Variants in CDC42BPA observed in about 807,000 individuals in gnomAD.
The protein encoded by CDC42BPA is CDC42 binding protein kinase alpha.
A neutral mutation model predicts 223.5 loss-of-function variants in CDC42BPA; 80 were observed. The observed-to-expected ratio is 0.36, with a 90% CI of 0.30 to 0.43. CDC42BPA has a LOEUF of 0.43. Among genes scored for constraint, CDC42BPA ranks in the 20% least tolerant of loss-of-function variants. The pLI is 1.00. For missense variants in CDC42BPA, 1,743 were observed against 2,099.9 expected, an observed-to-expected ratio of 0.83 and a Z score of 3.32; for synonymous variants, 694 against 718.6, an observed-to-expected ratio of 0.97 and a Z score of 0.55.
At chr1:227,123,127 A>G (rs766318074) in intron 11 of CDC42BPA, among the ~76,000 whole-genome samples, 1 of 152,156 alleles carries the variant, frequency 6.6e-6, no homozygotes, top group Non-Finnish European at 1.5e-5. Flanking sequence ...ACATGGTGAA[A>G]CCCCATCTCT....
chr1:227,014,757 G>A (rs1665877315), intron 34 of CDC42BPA, among the ~76,000 whole-genome samples: 1 of 152,002 alleles, frequency 6.6e-6, no homozygotes, highest in Admixed American at 6.6e-5. Flanking sequence ...CATGAAATAT[G>A]AATTATACTT....
chr1:227,046,295 G>A (rs949588737), intron 23 of CDC42BPA, among the ~76,000 whole-genome samples: 1 of 151,980 alleles, frequency 6.6e-6, no homozygotes, highest in African/African-American at 2.4e-5. Flanking sequence ...TGACATTATC[G>A]ATAGGTCTTT....
intron 5 of CDC42BPA, among the ~76,000 whole-genome samples, chr1:227,181,875 A>C (rs753753905): frequency 2.0e-5 from 3 of 152,212 alleles, no homozygotes; most frequent in Non-Finnish European, 4.4e-5. Context: ...TAAAAAGTAT[A>C]TTACTTACAT....
At chr1:227,019,671 G>C (rs1396280929) in intron 32 of CDC42BPA, among the ~76,000 whole-genome samples, 5 of 135,174 alleles carry the variant, frequency 3.7e-5, no homozygotes, top group South Asian at 2.2e-4. Flanking sequence ...TGCTGTGTTA[G>C]CAGACGTGAA....
At chr1:227,047,301 C>T (rs1672649292) in intron 23 of CDC42BPA, among the ~76,000 whole-genome samples, 1 of 152,028 alleles carries the variant, frequency 6.6e-6, no homozygotes, top group Non-Finnish European at 1.5e-5. Context: ...TTCTATCTGG[C>T]CTTAAAATTT....
chr1:227,168,497 G>GTTTTTTTTTTTTTGTTTTT (rs1665488488), intron 5 of CDC42BPA, among the ~76,000 whole-genome samples: 5 of 80,196 alleles, frequency 6.2e-5, no homozygotes, highest in African/African-American at 2.5e-4. Context: ...CTTCCCTGGT[G>GTTTTTTTTTTTTTGTTTTT]TTTTTTTTTT....
intron 1 of CDC42BPA, among the ~76,000 whole-genome samples, chr1:227,307,151 G>T (rs4292922): frequency 0.31 from 46,709 of 151,874 alleles, 7,354 homozygotes; most frequent in East Asian, 0.37. Flanking sequence ...AAACCAAGAA[G>T]TGCACATATA....
At chr1:227,025,474 C>A (rs1558310183) in intron 31 of CDC42BPA, among the ~76,000 whole-genome samples, 1 of 152,152 alleles carries the variant, frequency 6.6e-6, no homozygotes, top group African/African-American at 2.4e-5. Flanking sequence ...ATATATATCA[C>A]ATCTATCTAT....
intron 12 of CDC42BPA, among the ~76,000 whole-genome samples, chr1:227,114,469 A>C (rs1687462125): frequency 6.6e-6 from 1 of 151,710 alleles, no homozygotes; most frequent in Admixed American, 6.6e-5. Context: ...AAAAAAAAAA[A>C]GATTTTAGAG....
At chr1:227,244,495 G>T in intron 2 of CDC42BPA, among the ~76,000 whole-genome samples, 1 of 37,418 alleles carries the variant, frequency 2.7e-5, no homozygotes. Flanking sequence ...TTCACATGGT[G>T]GGGGGGGGCA....
intron 11 of CDC42BPA, among the ~76,000 whole-genome samples, chr1:227,121,788 AATTTC>A (rs1688699185): frequency 6.7e-6 from 1 of 149,824 alleles, no homozygotes; most frequent in South Asian, 2.1e-4. Flanking sequence ...GGATACCAAC[AATTTC>A]TTTTTTTTCT....
chr1:227,088,999 T>G (rs982142185), intron 16 of CDC42BPA, among the ~76,000 whole-genome samples: 3 of 152,216 alleles, frequency 2.0e-5, no homozygotes, highest in Admixed American at 1.3e-4. Flanking sequence ...GTGCTGGGAT[T>G]ACAGGTGTGA....
chr1:227,239,444 T>TA (rs1284201096), intron 2 of CDC42BPA, among the ~76,000 whole-genome samples: 1 of 152,196 alleles, frequency 6.6e-6, no homozygotes, highest in Non-Finnish European at 1.5e-5. Flanking sequence ...TATGTCAATG[T>TA]AGTTTCCTGG....
rs534772449 is a variant in CDC42BPA at position 227,121,619 on chromosome 1, G to A, written c.1514-1682C>T. ...TATGTGAAGAAAACTAAAAATCATAGGGTGTTTAATCTTAATCATGGTGTT... is the reference window on the plus strand; with the variant it reads ...TATGTGAAGAAAACTAAAAATCATAAGGTGTTTAATCTTAATCATGGTGTT... On this transcript the variant is annotated intron_variant, in intron 11 of 36. Transcript: ENST00000366766. Among the ~76,000 whole-genome samples, 80 of 152,140 alleles carry A rather than the reference G, an allele frequency of 5.3e-4. 2 individuals are homozygous for A. The South Asian group carries it at 0.015, about 28-fold the overall frequency.
chr1:227,236,142 C>T (rs1020009015), intron 2 of CDC42BPA, among the ~76,000 whole-genome samples: 2 of 152,164 alleles, frequency 1.3e-5, no homozygotes, highest in Non-Finnish European at 2.9e-5. Context: ...AGAGCTGCAA[C>T]TCTGCTAGTT....
In CDC42BPA at chr1:226,993,805, T is replaced by A. The variant is rs1169250349; in HGVS notation, c.*463A>T. On this transcript the variant is annotated 3_prime_UTR_variant, in exon 37 of 37. Transcript: ENST00000366766. ...GATTTCCTGGCAACAATCAGGTTGA[T>A]ACTCACTGCGTTTGCTGATTAAGAG... 6.4e-6 allele frequency: 1 copy of A among 157,328 alleles called. No homozygotes were observed. The highest frequency in any genetic ancestry group is 2.4e-5 in the African/African-American group (1 of 41,484). 9.7% of individuals were successfully genotyped at this position (157,328 alleles called of 1,614,324 possible).
intron 21 of CDC42BPA, among the ~76,000 whole-genome samples, chr1:227,061,922 C>T (rs75569172): frequency 0.13 from 19,638 of 152,148 alleles, 1,339 homozygotes; most frequent in East Asian, 0.26. Flanking sequence ...AAACTCCTGA[C>T]GCATATATTA....
intron 15 of CDC42BPA, among the ~76,000 whole-genome samples, chr1:227,097,498 G>C (rs140361704): frequency 6.6e-6 from 1 of 152,272 alleles, no homozygotes; most frequent in African/African-American, 2.4e-5. Context: ...CCCCAACCAG[G>C]AATGGCCACA....
intron 14 of CDC42BPA, among the ~76,000 whole-genome samples, chr1:227,107,063 G>A (rs914955968): frequency 1.3e-5 from 2 of 152,088 alleles, no homozygotes; most frequent in Admixed American, 1.3e-4. Flanking sequence ...TGAATTTGAG[G>A]ATCAGCTTTT....
Sources: allele counts gnomAD v4.1 joint callset (sites outside exome capture counted in the v4.1 genomes callset), GRCh38; gene constraint gnomAD v4.1.1; transcripts MANE v1.5; gene names NCBI Gene and HGNC (gene_info 2026-07-23, HGNC 2026-07-21).